Variants in ARRDC2 observed in about 807,000 individuals in gnomAD.
ARRDC2 encodes the protein arrestin domain containing 2, also known as arrestin domain-containing protein 2.
Under a neutral mutation model 38.9 loss-of-function variants are expected in ARRDC2, and 39 were observed. The observed-to-expected ratio is 1.00, with a 90% CI of 0.78 to 1.31. The LOEUF (loss-of-function observed/expected upper bound fraction) is 1.31. Ranked by LOEUF, ARRDC2 falls within the 50% of genes most tolerant of loss-of-function variation. ARRDC2 has a pLI of 0.00. For synonymous variants in ARRDC2, 300 were observed against 261.9 expected (o/e 1.15, Z -1.41); for missense variants, 553 against 588.4 (o/e 0.94, Z 0.62).
chr19:18,010,174 C>G (rs375980710), intron 5 of ARRDC2, 22 bp from the exon 6 acceptor site: 2 of 1,610,750 alleles, frequency 1.2e-6, no homozygotes. Context: ...TGGGCACCCT[C>G]CCTTATGGTT....
chr19:18,006,090 C>G (rs1420788405), upstream of ARRDC2, among the ~76,000 whole-genome samples: 1 of 151,186 alleles, frequency 6.6e-6, no homozygotes, highest in South Asian at 2.1e-4. Flanking sequence ...AGAGGCGCTC[C>G]TCACTTCCTA....
At position 18,010,652 on chromosome 19, in the gene ARRDC2, C is replaced by G; in HGVS notation, c.1093C>G (p.Pro365Ala). ...GAGCCCCTTCCCGCTTCCGCAGGAC[C>G]CCGACATGAGCCTTGAAGGCCCGTT... ...GQSPFPLPQDPDMSLEGPFFA... is the reference protein window; with the variant it reads ...GQSPFPLPQDADMSLEGPFFA... The change falls in exon 7 of 8, where the codon CCC (proline) becomes GCC (alanine). Residue 365 changes from proline to alanine, a missense_variant. Physicochemically the swap from Pro to Ala is conservative, Grantham distance 27 (BLOSUM62 -1). Coordinates refer to ENST00000222250, the MANE Select transcript of ARRDC2 (RefSeq NM_015683.2). 2.5e-6 allele frequency: 4 copies of G among 1,613,878 alleles called. No homozygotes were observed. The highest frequency in any genetic ancestry group is 3.4e-6 in the Non-Finnish European group (4 of 1,180,004).
intron 7 of ARRDC2, 116 bp from the exon 8 acceptor site, chr19:18,012,797 C>T: frequency 9.2e-7 from 1 of 1,082,324 alleles, no homozygotes; most frequent in Non-Finnish European, 1.4e-6. Flanking sequence ...ACACCACCTC[C>T]TGATGGCCTC....
rs1226487188 is a variant in ARRDC2, at chr19:18,009,674, A to G, written c.572A>G (p.Asp191Gly). The G allele has an allele frequency of 6.2e-7, 1 of 1,611,028 alleles. No homozygotes were observed. Among genetic ancestry groups the G allele is most frequent in the East Asian group, 2.2e-5 (1 of 44,770 alleles). ...RGLVSLSAKI[D>G]RKGYTPGEVI... ...CTAGTCTCCCTTTCGGCCAAGATCG[A>G]CCGCAAGGGCTACACCCCAGGTAGC... Residue 191 changes from aspartate (D) to glycine (G), a missense_variant, in exon 4 of 8, where the codon GAC (aspartate) becomes GGC (glycine). Asp to Gly is a moderately conservative substitution (Grantham distance 94). Around this residue, in one of 3 missense-constraint regions of ARRDC2, gnomAD observed 447 missense variants for 456.6 expected, o/e 0.98. Transcript: ENST00000222250.
upstream of ARRDC2, among the ~76,000 whole-genome samples, chr19:18,006,484 C>T (rs138476137): frequency 0.034 from 5,114 of 152,254 alleles, 124 homozygotes; most frequent in South Asian, 0.047. Flanking sequence ...TCAGGCGTGG[C>T]GGCGCGCGCC....
exon 1 of ARRDC2, chr19:18,001,211 T>C (rs78767885): frequency 0.072 from 78,258 of 1,084,894 alleles, 3,106 homozygotes; most frequent in Non-Finnish European, 0.08. Context: ...GGAGGAAGCT[T>C]GGGGGACGCG....
upstream of ARRDC2, chr19:18,008,042 C>A: frequency 2.0e-6 from 2 of 981,136 alleles, no homozygotes; most frequent in Non-Finnish European, 2.8e-6. Context: ...TTATTTTGCT[C>A]CACGCCTGGG....
chr19:18,005,497 G>A (rs2033253920), upstream of ARRDC2, among the ~76,000 whole-genome samples: 1 of 152,100 alleles, frequency 6.6e-6, no homozygotes, highest in Non-Finnish European at 1.5e-5. Context: ...TTCTCAATGA[G>A]CTGTTGGGTA....
chr19:18,006,205 C>G (rs371680964), upstream of ARRDC2, among the ~76,000 whole-genome samples: 4 of 151,830 alleles, frequency 2.6e-5, no homozygotes, highest in South Asian at 4.2e-4. Context: ...CAGAGACGCT[C>G]CTCACTTCCC....
chr19:18,002,761 C>G (rs930500862), intron 1 of ARRDC2, among the ~76,000 whole-genome samples: 1 of 152,164 alleles, frequency 6.6e-6, no homozygotes, highest in African/African-American at 2.4e-5. Context: ...CTTGGGACCG[C>G]TTTCACCCGA....
chr19:18,009,250 T>C (rs2033352880), intron 3 of ARRDC2, 132 bp downstream of exon 3: 7 of 1,099,004 alleles, frequency 6.4e-6, no homozygotes, highest in South Asian at 1.5e-5. Context: ...GGTGTGGGAA[T>C]GCGTGTGGAA....
upstream of ARRDC2, among the ~76,000 whole-genome samples, chr19:18,005,709 G>C (rs1303096052): frequency 2.0e-5 from 3 of 150,828 alleles, no homozygotes; most frequent in African/African-American, 7.4e-5. Flanking sequence ...GCGGCTGGCT[G>C]GGTGGGGGGC....
rs1568467611 is a variant in ARRDC2 at position 18,009,622 on chromosome 19, GC to G, written c.523del (p.Arg175AspfsTer9). 1.2e-6 allele frequency: 2 copies of G among 1,607,522 alleles called. No individual in the cohort carries two copies. Among genetic ancestry groups the G allele is most frequent in the Non-Finnish European group, 1.7e-6 (2 of 1,174,958 alleles). On this transcript the variant is annotated frameshift_variant, in exon 4 of 8. Transcript: ENST00000222250. LOFTEE classifies it high-confidence loss of function. Reference protein sequence around the residue: ...APQAGAREKVARSWYCNRGLV... With the variant: ...APQAGAREKVXRSWYCNRGLV... Reference sequence around the variant, plus strand: ...TCAAGCGGGGGCTCGGGAAAAGGTTGCCCGATCCTGGTACTGTAACCGTGGC... The same window carrying G: ...TCAAGCGGGGGCTCGGGAAAAGGTTGCCGATCCTGGTACTGTAACCGTGGC...
chr19:18,008,119 C>CCCCCCCCCCCCCCCCCCCCCGAGAAAAA, upstream of ARRDC2: 1 of 530,448 alleles, frequency 1.9e-6, no homozygotes, highest in Non-Finnish European at 2.8e-6. Flanking sequence ...GACGGTGACC[C>CCCCCCCCCCCCCCCCCCCCCGAGAAAAA]CACCCCCCCC....
intron 1 of ARRDC2, among the ~76,000 whole-genome samples, chr19:18,002,346 C>G (rs1441528435): frequency 6.6e-6 from 1 of 152,168 alleles, no homozygotes; most frequent in Non-Finnish European, 1.5e-5. Flanking sequence ...GGGCAGGTCC[C>G]TACTCTTCCC....
intron 1 of ARRDC2, among the ~76,000 whole-genome samples, chr19:18,002,975 C>T (rs1051486914): frequency 6.6e-6 from 1 of 152,054 alleles, no homozygotes; most frequent in Non-Finnish European, 1.5e-5. Flanking sequence ...TGCTGGTGGG[C>T]GCCTGAAATC....
In ARRDC2 at chr19:18,012,919, C is replaced by T. The variant is rs765558810; in HGVS notation, c.1177C>T (p.Pro393Ser). 1.9e-6 allele frequency: 3 copies of T among 1,613,806 alleles called. No homozygotes were observed. The highest frequency in any genetic ancestry group is 2.7e-5 in the African/African-American group (2 of 74,910). The change falls in exon 8 of 8, where the codon CCA becomes TCA. Residue 393 changes from proline (P) to serine (S), a missense_variant. Pro to Ser is a moderately conservative substitution (Grantham distance 74). This residue lies in a region of ARRDC2 where 100 missense variants were observed against 107.6 expected (regional missense o/e 0.93). Coordinates refer to ENST00000222250, the MANE Select transcript of ARRDC2 (RefSeq NM_015683.2). ...ATGGGAACATTTCTCTTAGGAGGAT[C>T]CAAACCCACTCTTGGGGGACATGAG... ...RPPPLYSEED[P>S]NPLLGDMRPR...
chr19:18,004,694 A>C (rs2033237870), upstream of ARRDC2, among the ~76,000 whole-genome samples: 1 of 131,974 alleles, frequency 7.6e-6, no homozygotes, highest in Non-Finnish European at 1.5e-5. Context: ...ACCCTGTCTC[A>C]AAAAAAAAAA....
chr19:18,010,401 A>C, intron 6 of ARRDC2, 43 bp downstream of exon 6: 1 of 1,588,968 alleles, frequency 6.3e-7, no homozygotes, highest in Non-Finnish European at 8.5e-7. Flanking sequence ...GGGTGGATAC[A>C]CGGAGAGGTG....
Sources: allele counts gnomAD v4.1 joint callset (sites outside exome capture counted in the v4.1 genomes callset), GRCh38; gene constraint gnomAD v4.1.1; regional missense constraint gnomAD v4.1.1; transcripts MANE v1.5; gene names NCBI Gene and HGNC (gene_info 2026-07-23, HGNC 2026-07-21).